Variants in ANKRD36B observed in about 807,000 individuals in gnomAD.
The protein encoded by ANKRD36B is ankyrin repeat domain 36B, also known as ankyrin repeat domain-containing protein 36B.
ANKRD36B carries 37 observed loss-of-function variants against 135.7 expected under a neutral mutation model. The observed-to-expected ratio is 0.27, with a 90% CI of 0.21 to 0.36. ANKRD36B has a LOEUF of 0.36. Ranked by LOEUF, ANKRD36B falls within the 10% of genes least tolerant of loss-of-function variation. The pLI is 1.00. For missense variants in ANKRD36B, 549 were observed against 1,037.1 expected (o/e 0.53, Z 6.46); for synonymous variants, 179 against 348.1 (o/e 0.51, Z 5.41).
At chr2:97,569,405 A>G (rs1189898902) in intron 6 of ANKRD36B, among the ~76,000 whole-genome samples, 4 of 152,206 alleles carry the variant, frequency 2.6e-5, no homozygotes, top group African/African-American at 7.2e-5. Flanking sequence ...TTAGTAGTTG[A>G]CAGGGGTTAA....
intron 20 of ANKRD36B, among the ~76,000 whole-genome samples, 200 bp from the exon 21 acceptor site, chr2:97,547,931 T>C (rs1161500478): frequency 1.3e-5 from 2 of 151,806 alleles, no homozygotes; most frequent in East Asian, 1.9e-4. Context: ...AAAAATACTC[T>C]TATAATTTCA....
In ANKRD36B at chr2:97,527,752, A is replaced by G. The variant is rs1406813934; in HGVS notation, c.2266-4285T>C. On this transcript the variant is annotated intron_variant, in intron 35 of 43. Coordinates refer to ENST00000359901, the MANE Select transcript of ANKRD36B (RefSeq NM_001393939.1). ...AAAACAAAAAAAGGCAGGGGTTGCA[A>G]TCCTATCTCTGATAAAACAGACTTT... 3.1e-5 allele frequency among the ~76,000 whole-genome samples: 3 copies of G among 96,032 alleles called. 1 individual carries two copies. The highest frequency in any genetic ancestry group is 8.3e-5 in the Non-Finnish European group (3 of 36,192). The allele number at this position is 96,032 out of a possible 152,430, so 63.0% of individuals were successfully genotyped here. A position where few individuals can be genotyped will look rare whatever the true frequency, so the allele number is the denominator to read the frequency against.
chr2:97,589,724 T>A lies in ANKRD36B; in HGVS notation c.-39A>T. ...CTCTCCCGCTCGTCGTCTTCCTTAATCGTCGGCTGCAAATTGTAGCCTGCA... is the reference window on the plus strand; with the variant it reads ...CTCTCCCGCTCGTCGTCTTCCTTAAACGTCGGCTGCAAATTGTAGCCTGCA... On this transcript the variant is annotated 5_prime_UTR_variant, in exon 1 of 44. Transcript: ENST00000359901. 6.2e-7 allele frequency: 1 copy of A among 1,613,510 alleles called. No homozygotes were observed. Among genetic ancestry groups the A allele is most frequent in the Non-Finnish European group, 8.5e-7 (1 of 1,179,928 alleles).
Position 97,578,944 on chromosome 2 carries a change from C to G in ANKRD36B, c.657G>C (p.Lys219Asn). Residue 219 changes from lysine to asparagine, a missense_variant, in exon 5 of 44, where the codon AAG becomes AAC. Lys to Asn is a moderately conservative substitution (Grantham distance 94, BLOSUM62 0). Coordinates refer to ENST00000359901, the MANE Select transcript of ANKRD36B (RefSeq NM_001393939.1). ...IDVFSRDVYG[K>N]LAEDYASEAE... The stretch of plus-strand genomic sequence containing the variant: ...CCTCACTGGCATAATCTTCTGCAAG[C>G]TTTCCATACACATCTCGAGAAAACA... 1 of 1,613,068 alleles carries G rather than the reference C, an allele frequency of 6.2e-7. No individual in the cohort carries two copies. Among genetic ancestry groups the G allele is most frequent in the South Asian group, 1.1e-5 (1 of 91,022 alleles).
At chr2:97,496,771 G>T (rs1194884826) in intron 43 of ANKRD36B, among the ~76,000 whole-genome samples, 1 of 76,100 alleles carries the variant, frequency 1.3e-5, no homozygotes, top group Non-Finnish European at 3.1e-5. Context: ...TCCAGAAAAC[G>T]TGTGTGTGTG....
chr2:97,549,636 T>C, intron 18 of ANKRD36B, 22 bp from the exon 19 acceptor site: 12 of 1,607,242 alleles, frequency 7.5e-6, no homozygotes, highest in Non-Finnish European at 1.0e-5. Flanking sequence ...AAGGGATTCA[T>C]AATCACTCAT....
chr2:97,543,293 ACTT>A (rs1162057299), intron 26 of ANKRD36B, among the ~76,000 whole-genome samples: 4 of 141,976 alleles, frequency 2.8e-5, no homozygotes, highest in African/African-American at 7.6e-5. Context: ...TACATAAATA[ACTT>A]CTTCTTTTCC....
At chr2:97,496,441 T>C (rs1311486272) in intron 43 of ANKRD36B, among the ~76,000 whole-genome samples, 2 of 71,892 alleles carry the variant, frequency 2.8e-5, no homozygotes, top group East Asian at 5.2e-4. Flanking sequence ...GCAGTTATGC[T>C]AAATAACAGA....
chr2:97,540,116 A>AT lies in ANKRD36B; in HGVS notation c.1915-11dup, dbSNP rs2079078092. ...TCTCATCACCTGTAGTCTGAATGGAATTTGAAACAAAATAATAAATAAATA... is the reference window on the plus strand; with the variant it reads ...TCTCATCACCTGTAGTCTGAATGGAATTTTGAAACAAAATAATAAATAAATA... On this transcript the variant is annotated splice_polypyrimidine_tract_variant and intron_variant, in intron 29 of 43. Coordinates refer to ENST00000359901, the MANE Select transcript of ANKRD36B (RefSeq NM_001393939.1). 1.1e-6 allele frequency: 1 copy of AT among 941,058 alleles called. No homozygotes were observed. The highest frequency in any genetic ancestry group is 1.7e-5 in the African/African-American group (1 of 58,614). The allele number at this position is 941,058 out of a possible 1,614,324, so 58.3% of individuals were successfully genotyped here.
intron 6 of ANKRD36B, among the ~76,000 whole-genome samples, chr2:97,568,106 T>C (rs2081578284): frequency 6.6e-6 from 1 of 152,102 alleles, no homozygotes; most frequent in Non-Finnish European, 1.5e-5. Flanking sequence ...TATTAATCTC[T>C]TATTGTGCCT....
rs781518961 is a variant in ANKRD36B at position 97,589,733 on chromosome 2, G to T, written c.-48C>A. ...TCGTCGTCTTCCTTAATCGTCGGCT[G>T]CAAATTGTAGCCTGCAGCCGTATTT... On this transcript the variant is annotated 5_prime_UTR_variant, in exon 1 of 44. Transcript: ENST00000359901. The T allele has an allele frequency of 9.3e-6, 15 of 1,612,384 alleles. No individual in the cohort carries two copies. Among genetic ancestry groups the T allele is most frequent in the African/African-American group, 1.3e-5 (1 of 74,860 alleles).
intron 20 of ANKRD36B, among the ~76,000 whole-genome samples, 153 bp downstream of exon 20, chr2:97,549,265 TC>T (rs2079801133): frequency 2.0e-5 from 3 of 151,840 alleles, no homozygotes; most frequent in Non-Finnish European, 2.9e-5. Context: ...AGCATCAGCA[TC>T]AGCATCACTC....
intron 18 of ANKRD36B, among the ~76,000 whole-genome samples, 164 bp from the exon 19 acceptor site, chr2:97,549,778 T>G (rs2079866320): frequency 6.6e-6 from 1 of 151,934 alleles, no homozygotes; most frequent in Non-Finnish European, 1.5e-5. Context: ...AGAAATGCAC[T>G]GAGAAAAGGG....
intron 35 of ANKRD36B, among the ~76,000 whole-genome samples, chr2:97,526,574 G>A (rs555491620): frequency 1.0e-5 from 1 of 97,796 alleles, no homozygotes; most frequent in South Asian, 2.3e-4. Flanking sequence ...GACAAGTTGA[G>A]AGAAGAAGGC....
At chr2:97,556,053 G>C (rs1428181838) in intron 12 of ANKRD36B, among the ~76,000 whole-genome samples, 1 of 151,780 alleles carries the variant, frequency 6.6e-6, no homozygotes, top group African/African-American at 2.4e-5. Context: ...ACCATTTTAG[G>C]ATTCAATTAA....
At chr2:97,547,182 T>C (rs887782516) in intron 22 of ANKRD36B, 7 of 214,450 alleles carry the variant, frequency 3.3e-5, no homozygotes, top group East Asian at 1.3e-4. Context: ...CTTGGCAGTA[T>C]GATCTGAAGT....
chr2:97,573,385 AAG>A (rs2082015064), intron 6 of ANKRD36B, among the ~76,000 whole-genome samples: 1 of 152,272 alleles, frequency 6.6e-6, no homozygotes, highest in African/African-American at 2.4e-5. Flanking sequence ...AATGAAATAA[AAG>A]AGGATACAAA....
At chr2:97,584,360 C>G (rs1484766965) in intron 3 of ANKRD36B, among the ~76,000 whole-genome samples, 4 of 117,396 alleles carry the variant, frequency 3.4e-5, no homozygotes, top group Non-Finnish European at 4.9e-5. Context: ...CAACAAAACA[C>G]ACAAAAACCC....
rs574570940 is a variant in ANKRD36B at position 97,557,763 on chromosome 2, G to C, written c.968-631C>G. ...TACATTTGTTGTGTCCTCTAGTTTA[G>C]GCTACAGAAAGGTTCTTCATCCACT... On this transcript the variant is annotated intron_variant, in intron 10 of 43. Transcript: ENST00000359901. 2.5e-4 allele frequency among the ~76,000 whole-genome samples: 38 copies of C among 151,806 alleles called. No individual in the cohort carries two copies. The South Asian group carries it at 5.0e-3, about 20-fold the overall frequency.
Sources: gnomAD v4.1 joint callset for allele counts (sites outside exome capture counted in the v4.1 genomes callset) on GRCh38, gnomAD v4.1.1 for gene constraint, MANE v1.5 for transcripts, NCBI Gene and HGNC (gene_info 2026-07-23, HGNC 2026-07-21) for gene names.